TSHZ2: variants seen among roughly 807,000 people sequenced by gnomAD.
TSHZ2 encodes teashirt zinc finger homeobox 2, also known as teashirt homolog 2.
In TSHZ2, 21 loss-of-function variants were observed where a neutral mutation model predicts 74.4. The ratio of observed to expected loss-of-function variants is 0.28; its 90% confidence interval spans 0.20 to 0.41. The LOEUF (loss-of-function observed/expected upper bound fraction) is 0.41, where lower values mean the gene tolerates loss of function less well. Among genes scored for constraint, TSHZ2 ranks in the 10% least tolerant of loss-of-function variants. The probability of loss-of-function intolerance (pLI) is 1.00; values close to 1 mark genes in which losing one functional copy is unlikely to be tolerated. For synonymous variants in TSHZ2, 540 were observed against 515.3 expected (o/e 1.05, Z -0.65); for missense variants, 1,244 against 1,293.5 (o/e 0.96, Z 0.59).
At chr20:53,295,095 G>A (rs1450591926) in intron 2 of TSHZ2, among the ~76,000 whole-genome samples, 2 of 152,132 alleles carry the variant, frequency 1.3e-5, no homozygotes, top group African/African-American at 2.4e-5. Flanking sequence ...TTTTGTCCTC[G>A]TACCCTCCAT....
chr20:53,220,622 A>C (rs1239224655), intron 1 of TSHZ2, among the ~76,000 whole-genome samples: 2 of 152,212 alleles, frequency 1.3e-5, no homozygotes, highest in East Asian at 3.8e-4. Flanking sequence ...GTTGTACCAG[A>C]TGCCGTATGT....
At chr20:53,361,103 A>C (rs896093028) in intron 2 of TSHZ2, among the ~76,000 whole-genome samples, 17 of 152,152 alleles carry the variant, frequency 1.1e-4, no homozygotes, top group African/African-American at 3.9e-4. Flanking sequence ...GGCTGTGCTC[A>C]CTGGCCCCAT....
At chr20:53,154,064 G>A (rs774799059) in intron 1 of TSHZ2, among the ~76,000 whole-genome samples, 29 of 152,202 alleles carry the variant, frequency 1.9e-4, no homozygotes, top group Non-Finnish European at 3.7e-4. Flanking sequence ...CCCAACTTAA[G>A]CAATGGAAAA....
intron 1 of TSHZ2, among the ~76,000 whole-genome samples, chr20:53,102,314 T>C (rs1394174293): frequency 6.6e-6 from 1 of 152,092 alleles, no homozygotes; most frequent in Non-Finnish European, 1.5e-5. Context: ...TACACAGTGC[T>C]AGAGCATCTG....
At chr20:53,284,439 G>A (rs561982101) in intron 2 of TSHZ2, among the ~76,000 whole-genome samples, 4 of 152,104 alleles carry the variant, frequency 2.6e-5, no homozygotes, top group Non-Finnish European at 4.4e-5. Flanking sequence ...CAAATCTCCC[G>A]TCAATCTGTC....
intron 2 of TSHZ2, among the ~76,000 whole-genome samples, chr20:53,388,239 C>T (rs993314247): frequency 6.6e-6 from 1 of 152,166 alleles, no homozygotes; most frequent in African/African-American, 2.4e-5. Context: ...TGTTTCTCTT[C>T]AGTAGGTGAA....
chr20:53,263,596 G>A (rs373217691), intron 2 of TSHZ2, among the ~76,000 whole-genome samples: 1 of 152,190 alleles, frequency 6.6e-6, no homozygotes, highest in Non-Finnish European at 1.5e-5. Flanking sequence ...ATTTTAGTTT[G>A]TTTTGTTGTT....
chr20:53,294,472 TAAA>T (rs3830901), intron 2 of TSHZ2, among the ~76,000 whole-genome samples: 1 of 146,934 alleles, frequency 6.8e-6, no homozygotes, highest in African/African-American at 2.5e-5. Flanking sequence ...CACAAGCTTA[TAAA>T]AAAAAAAGAG....
In TSHZ2 at chr20:53,255,375, A is replaced by C. The variant is rs1600771135; in HGVS notation, c.1917A>C (p.Thr639=). The change falls in exon 2 of 3, where the codon ACA becomes ACC. Residue 639 remains threonine, a synonymous_variant. Transcript: ENST00000371497. The surrounding 1 kb of genome is among the most constrained non-coding windows in gnomAD (Gnocchi z 4.1). ...SEGDSFRKSE[T]PPEAKKTELG... is the part of the protein sequence containing the mutation. ...GCGATTCTTTCCGCAAAAGTGAAACACCTCCAGAAGCCAAAAAGACCGAGC... is the reference window on the plus strand; with the variant it reads ...GCGATTCTTTCCGCAAAAGTGAAACCCCTCCAGAAGCCAAAAAGACCGAGC... 1 of 1,613,984 alleles carries C rather than the reference A, an allele frequency of 6.2e-7. No homozygotes were observed.
chr20:53,345,853 A>G (rs1287584018), intron 2 of TSHZ2, among the ~76,000 whole-genome samples: 1 of 151,672 alleles, frequency 6.6e-6, no homozygotes, highest in Non-Finnish European at 1.5e-5. Flanking sequence ...CAGGGAGTTC[A>G]TTAAAAACCA....
intron 1 of TSHZ2, among the ~76,000 whole-genome samples, chr20:53,223,962 T>A (rs1294603447): frequency 6.6e-6 from 1 of 151,778 alleles, no homozygotes; most frequent in African/African-American, 2.4e-5. Flanking sequence ...TGGTGAAACC[T>A]GAGTAGGTCA....
intron 2 of TSHZ2, among the ~76,000 whole-genome samples, chr20:53,433,523 A>G (rs1024550128): frequency 2.0e-5 from 3 of 151,814 alleles, no homozygotes; most frequent in African/African-American, 7.3e-5. Context: ...CTTGGGCAAT[A>G]AAGCAAGACT....
At chr20:53,001,221 T>C (rs1982411245) in intron 1 of TSHZ2, among the ~76,000 whole-genome samples, 1 of 145,514 alleles carries the variant, frequency 6.9e-6, no homozygotes, top group Non-Finnish European at 1.5e-5. Context: ...TGTGTGTGTG[T>C]GTGTGTGTGT....
At chr20:53,250,860 C>A (rs1401929370) in intron 1 of TSHZ2, among the ~76,000 whole-genome samples, 5 of 149,624 alleles carry the variant, frequency 3.3e-5, no homozygotes. Context: ...AAGAACACTT[C>A]TTTTCTCCTA....
At chr20:53,401,839 G>A (rs958788706) in intron 2 of TSHZ2, among the ~76,000 whole-genome samples, 2 of 137,858 alleles carry the variant, frequency 1.5e-5, no homozygotes, top group South Asian at 4.5e-4. Flanking sequence ...CTGGAGTGCA[G>A]TGGTGTGATC....
intron 2 of TSHZ2, among the ~76,000 whole-genome samples, chr20:53,437,292 G>T (rs1984122349): frequency 6.6e-6 from 1 of 152,078 alleles, no homozygotes; most frequent in Non-Finnish European, 1.5e-5. Context: ...GGCCAACATG[G>T]TGAAACCCTG....
At chr20:53,208,973 T>C (rs75154031) in intron 1 of TSHZ2, among the ~76,000 whole-genome samples, 3,121 of 152,364 alleles carry the variant, frequency 0.02, 109 homozygotes, top group African/African-American at 0.071. Flanking sequence ...GCTTTGCCTC[T>C]ACCAGGACAC....
intron 2 of TSHZ2, among the ~76,000 whole-genome samples, chr20:53,432,020 A>G (rs1983863456): frequency 6.6e-6 from 1 of 152,312 alleles, no homozygotes; most frequent in East Asian, 1.9e-4. Flanking sequence ...GTATACACAG[A>G]TTTTGGTTAC....
chr20:53,471,852 G>T (rs1212550263), intron 2 of TSHZ2, among the ~76,000 whole-genome samples: 3 of 145,210 alleles, frequency 2.1e-5, no homozygotes, highest in East Asian at 2.0e-4. Context: ...TGTTGCCCAG[G>T]CTGGAGCACA....
Sources: allele counts gnomAD v4.1 joint callset (sites outside exome capture counted in the v4.1 genomes callset), GRCh38; gene constraint gnomAD v4.1.1; non-coding constraint Gnocchi (gnomAD v3.1); transcripts MANE v1.5; gene names NCBI Gene and HGNC (gene_info 2026-07-23, HGNC 2026-07-21).